Variants in ZNF618 observed in about 807,000 individuals in gnomAD.
ZNF618 encodes zinc finger protein 618.
Under a neutral mutation model 103.0 loss-of-function variants are expected in ZNF618, and 34 were observed. That is an observed-to-expected ratio of 0.33 (90% CI 0.25 to 0.44). The LOEUF (loss-of-function observed/expected upper bound fraction) is 0.44, where lower values mean the gene tolerates loss of function less well. Ranked by LOEUF, ZNF618 falls within the 20% of genes least tolerant of loss-of-function variation. The probability of loss-of-function intolerance (pLI) is 1.00; values close to 1 mark genes in which losing one functional copy is unlikely to be tolerated. For missense variants in ZNF618, 1,059 were observed against 1,295.4 expected (o/e 0.82, Z 2.80); for synonymous variants, 551 against 542.2 (o/e 1.02, Z -0.23).
intron 13 of ZNF618, among the ~76,000 whole-genome samples, chr9:114,043,741 T>TTTTAAATTTTTAA (rs1845417352): frequency 6.6e-6 from 1 of 152,218 alleles, no homozygotes; most frequent in Admixed American, 6.5e-5. Flanking sequence ...TTATGGCCAT[T>TTTTAAATTTTTAA]CTTGCAGGAG....
intron 1 of ZNF618, among the ~76,000 whole-genome samples, chr9:113,899,486 A>AG (rs1830327271): frequency 1.3e-5 from 2 of 152,222 alleles, no homozygotes; most frequent in African/African-American, 4.8e-5. Context: ...CAACACCGTT[A>AG]GATTCTCATA....
chr9:113,898,481 C>T (rs1216987952), intron 1 of ZNF618, among the ~76,000 whole-genome samples: 8 of 148,638 alleles, frequency 5.4e-5, no homozygotes, highest in Admixed American at 3.4e-4. Context: ...TGCCTTGTCA[C>T]CCAGCCTGGA....
At chr9:114,030,078 G>C (rs181143270) in intron 11 of ZNF618, among the ~76,000 whole-genome samples, 1 of 152,280 alleles carries the variant, frequency 6.6e-6, no homozygotes, top group Admixed American at 6.5e-5. Context: ...AGATGATCAA[G>C]GTGAGAACTC....
At chr9:114,002,723 G>C in intron 6 of ZNF618, 61 bp downstream of exon 6, 1 of 1,578,774 alleles carries the variant, frequency 6.3e-7, no homozygotes. Context: ...GGGATGAAGA[G>C]GAGCTGCTTG....
rs1462791638 is a variant in ZNF618 at position 114,002,093 on chromosome 9, G to A, written c.511+20G>A. 1 of 1,609,758 alleles carries A rather than the reference G, an allele frequency of 6.2e-7. No homozygotes were observed. The highest frequency in any genetic ancestry group is 1.7e-5 in the Admixed American group (1 of 60,014). On this transcript the variant is annotated intron_variant, in intron 5 of 14. Transcript: ENST00000374126. Reference sequence around the variant, plus strand: ...ACCGAGGTGAGAGGAGTGTCCCTGGGGCAGAGCCCAGGGGCCGCACCTCCC... The same window carrying A: ...ACCGAGGTGAGAGGAGTGTCCCTGGAGCAGAGCCCAGGGGCCGCACCTCCC...
intron 3 of ZNF618, among the ~76,000 whole-genome samples, chr9:113,997,222 C>T (rs771901685): frequency 1.3e-5 from 2 of 152,028 alleles, no homozygotes; most frequent in Non-Finnish European, 1.5e-5. Context: ...TTCCTCTCAC[C>T]TCAGCCTCCC....
At chr9:113,940,950 C>A (rs78859913) in intron 1 of ZNF618, among the ~76,000 whole-genome samples, 1 of 152,156 alleles carries the variant, frequency 6.6e-6, no homozygotes, top group East Asian at 1.9e-4. Flanking sequence ...CTTTCTGCCA[C>A]GTAATTTTGG....
chr9:113,987,910 C>CT (rs1000725669), intron 2 of ZNF618, among the ~76,000 whole-genome samples: 8 of 95,586 alleles, frequency 8.4e-5, no homozygotes, highest in African/African-American at 1.1e-4. Flanking sequence ...TTCAAGATCC[C>CT]CCCCAGCTGA....
chr9:114,022,455 C>T (rs1410198296), intron 10 of ZNF618, among the ~76,000 whole-genome samples: 2 of 151,718 alleles, frequency 1.3e-5, no homozygotes, highest in Non-Finnish European at 2.9e-5. Flanking sequence ...GGGAATTATC[C>T]AGATTTTTTG....
Position 114,054,818 on chromosome 9 carries a change from A to T in ZNF618, c.*4651A>T, listed in dbSNP as rs1451696775. 6.6e-6 allele frequency: 1 copy of T among 151,944 alleles called. No individual in the cohort carries two copies. The highest frequency in any genetic ancestry group is 2.4e-5 in the African/African-American group (1 of 41,248). The allele number at this position is 151,944 out of a possible 1,614,324, so 9.4% of individuals were successfully genotyped here. Reference sequence around the variant, plus strand: ...TGGGTTTGAGGATTGTGGTCGGGGGAGCCCTGGCTTTCACCAAAGGAGCCC... The same window carrying T: ...TGGGTTTGAGGATTGTGGTCGGGGGTGCCCTGGCTTTCACCAAAGGAGCCC... On this transcript the variant is annotated 3_prime_UTR_variant, in exon 15 of 15. Transcript: ENST00000374126.
chr9:113,887,740 C>T (rs557887545), intron 1 of ZNF618, among the ~76,000 whole-genome samples: 23 of 152,268 alleles, frequency 1.5e-4, no homozygotes, highest in African/African-American at 5.1e-4. Flanking sequence ...GCGGCCCAGG[C>T]GGGTAGCAGC....
intron 1 of ZNF618, among the ~76,000 whole-genome samples, chr9:113,882,182 A>C (rs1156707818): frequency 6.6e-6 from 1 of 152,182 alleles, no homozygotes; most frequent in Non-Finnish European, 1.5e-5. Flanking sequence ...GCCTTAGGTC[A>C]GATGCATAGA....
intron 11 of ZNF618, among the ~76,000 whole-genome samples, chr9:114,031,426 G>A (rs574116243): frequency 1.1e-4 from 17 of 152,278 alleles, no homozygotes; most frequent in African/African-American, 3.6e-4. Context: ...GACAGGGGTC[G>A]GGGGGAGGTG....
At chr9:114,047,785 T>A (rs1845787134) in intron 13 of ZNF618, 108 bp from the exon 14 acceptor site, 1 of 875,642 alleles carries the variant, frequency 1.1e-6, no homozygotes, top group Admixed American at 2.3e-5. Flanking sequence ...CAGGCCTGAG[T>A]CCCAATGGCC....
intron 1 of ZNF618, among the ~76,000 whole-genome samples, chr9:113,914,968 G>C (rs1338479490): frequency 1.3e-5 from 2 of 152,084 alleles, no homozygotes; most frequent in Non-Finnish European, 2.9e-5. Flanking sequence ...TTGCACCCCT[G>C]TCTAAGAACA....
chr9:113,963,249 CTGCCGAG>C (rs1837034009), intron 1 of ZNF618, among the ~76,000 whole-genome samples: 1 of 152,258 alleles, frequency 6.6e-6, no homozygotes, highest in Admixed American at 6.5e-5. Context: ...GTTGCACCCA[CTGCCGAG>C]GTCACATATC....
intron 6 of ZNF618, among the ~76,000 whole-genome samples, chr9:114,006,062 A>G (rs1841725282): frequency 6.6e-6 from 1 of 152,206 alleles, no homozygotes; most frequent in Non-Finnish European, 1.5e-5. Flanking sequence ...GAATACGAAG[A>G]GGTGAAGCTG....
chr9:114,013,370 G>A (rs1842407804), intron 9 of ZNF618, among the ~76,000 whole-genome samples: 1 of 152,190 alleles, frequency 6.6e-6, no homozygotes, highest in Admixed American at 6.5e-5. Flanking sequence ...TTCCAAATCT[G>A]ATTATAAAAT....
chr9:113,987,326 C>T (rs781336938), intron 2 of ZNF618, among the ~76,000 whole-genome samples: 1 of 152,300 alleles, frequency 6.6e-6, no homozygotes, highest in East Asian at 1.9e-4. Flanking sequence ...AATTTTATGT[C>T]TGGCCTGAGC....
Sources: allele counts gnomAD v4.1 joint callset (sites outside exome capture counted in the v4.1 genomes callset), GRCh38; gene constraint gnomAD v4.1.1; transcripts MANE v1.5; gene names NCBI Gene and HGNC (gene_info 2026-07-23, HGNC 2026-07-21).